The following ZC3H12B variants were observed in gnomAD, a reference collection of about 807,000 sequenced individuals.
The protein encoded by ZC3H12B is probable ribonuclease ZC3H12B.
In ZC3H12B, 7 loss-of-function variants were observed where a neutral mutation model predicts 43.9. The observed-to-expected ratio is 0.16, with a 90% CI of 0.09 to 0.30. ZC3H12B has a LOEUF of 0.30. ZC3H12B is among the 10% of genes least tolerant of loss of function. The pLI, the probability that ZC3H12B is intolerant of heterozygous loss-of-function variation, is 1.00. For synonymous variants in ZC3H12B, 222 were observed against 241.7 expected, an observed-to-expected ratio of 0.92 and a Z score of 0.76; for missense variants, 475 against 670.2, an observed-to-expected ratio of 0.71 and a Z score of 3.22.
At chrX:65,260,519 A>G in the ZC3H12B span, among the ~76,000 whole-genome samples, 2 of 111,457 alleles carry the variant, frequency 1.8e-5, no homozygotes, top group Non-Finnish European at 3.8e-5. Flanking sequence ...TCTTTGTTAA[A>G]TGCAATTTAC....
chrX:65,153,020 G>T, the ZC3H12B span, among the ~76,000 whole-genome samples: 37 of 111,941 alleles, frequency 3.3e-4, 1 homozygote, highest in South Asian at 0.013. Flanking sequence ...TGTGAAAACT[G>T]GCTAGCCATA....
the ZC3H12B span, among the ~76,000 whole-genome samples, chrX:65,344,426 G>A: frequency 6.3e-5 from 7 of 111,746 alleles, no homozygotes; most frequent in Admixed American, 2.8e-4. Flanking sequence ...GCACACCTAA[G>A]TCATATGATC....
chrX:65,244,182 C>A, the ZC3H12B span, among the ~76,000 whole-genome samples: 2 of 110,800 alleles, frequency 1.8e-5, no homozygotes, highest in African/African-American at 6.6e-5. Context: ...TCCCAGTTAC[C>A]CTGATTTGGT....
chrX:65,455,020 A>G (rs1167334982), intron 3 of ZC3H12B, among the ~76,000 whole-genome samples: 1 of 111,956 alleles, frequency 8.9e-6, no homozygotes, highest in Non-Finnish European at 1.9e-5. Flanking sequence ...AACCACAAAG[A>G]TGGGGAAAAA....
At chrX:65,350,371 C>G in the ZC3H12B span, among the ~76,000 whole-genome samples, 14 of 111,434 alleles carry the variant, frequency 1.3e-4, no homozygotes, top group African/African-American at 4.6e-4. Context: ...GACAAACCCA[C>G]AGCTAATGGG....
chrX:65,426,054 C>A (rs944472787), intron 3 of ZC3H12B, among the ~76,000 whole-genome samples: 1 of 108,017 alleles, frequency 9.3e-6, no homozygotes, highest in Non-Finnish European at 1.9e-5. Context: ...TTCTTTGTAC[C>A]TCTGGTAGAA....
intron 3 of ZC3H12B, among the ~76,000 whole-genome samples, chrX:65,446,514 C>T (rs1326541057): frequency 8.9e-6 from 1 of 111,904 alleles, no homozygotes; most frequent in Admixed American, 9.5e-5. Flanking sequence ...AGCCAGAACT[C>T]AGGTTCCAAT....
At position 65,461,257 on chromosome X, in the gene ZC3H12B, G is replaced by A. The variant is rs893268622; in HGVS notation, n.408-27389G>A. On this transcript the variant is annotated intron_variant and non_coding_transcript_variant, in intron 3 of 5. Coordinates refer to the ZC3H12B transcript ENST00000617377. ...ATAGGAACACTTTTACACGTTGGTG[G>A]GACTAAACTAGTTCAACCATTGTGG... Among the ~76,000 whole-genome samples the A allele has an allele frequency of 2.7e-5, 3 of 111,806 alleles. No homozygotes were observed. The Admixed American group carries it at 2.8e-4, about 11-fold the overall frequency.
intron 2 of ZC3H12B, among the ~76,000 whole-genome samples, chrX:65,397,191 A>G (rs1383926392): frequency 8.9e-6 from 1 of 111,931 alleles, no homozygotes; most frequent in African/African-American, 3.2e-5. Flanking sequence ...CATTTAGCCC[A>G]TTTACATTTA....
At chrX:65,487,862 T>C (rs148783667), upstream of ZC3H12B, among the ~76,000 whole-genome samples, 104 of 111,702 alleles carry the variant, frequency 9.3e-4, no homozygotes, top group African/African-American at 3.3e-3. Context: ...CTGGAGAGCA[T>C]GTGCTTTTCT....
At chrX:65,396,580 CTTTT>C (rs371460867) in intron 2 of ZC3H12B, among the ~76,000 whole-genome samples, 2 of 100,049 alleles carry the variant, frequency 2.0e-5, no homozygotes, top group African/African-American at 7.2e-5. Flanking sequence ...TTGTTTTTGT[CTTTT>C]TTTTTTTCGC....
chrX:65,384,032 G>C (rs767986483), intron 2 of ZC3H12B, among the ~76,000 whole-genome samples: 4 of 97,695 alleles, frequency 4.1e-5, no homozygotes, highest in Non-Finnish European at 6.2e-5. Context: ...TATACCCAAA[G>C]GACTATAAAT....
chrX:65,345,880 AC>A, the ZC3H12B span, among the ~76,000 whole-genome samples: 3 of 111,732 alleles, frequency 2.7e-5, no homozygotes, highest in Non-Finnish European at 5.6e-5. Context: ...CAATAGTCAC[AC>A]AAAAATATTC....
chrX:65,232,096 C>G, the ZC3H12B span, among the ~76,000 whole-genome samples: 8,876 of 109,086 alleles, frequency 0.081, 1,018 homozygotes, highest in African/African-American at 0.29. Context: ...AAAAAATTAG[C>G]CAAGCATGGT....
At chrX:65,086,769 T>C in the ZC3H12B span, among the ~76,000 whole-genome samples, 1 of 112,086 alleles carries the variant, frequency 8.9e-6, no homozygotes, top group African/African-American at 3.3e-5. Context: ...GAAATAAATT[T>C]ATGTTGTTTA....
the ZC3H12B span, among the ~76,000 whole-genome samples, chrX:65,141,041 T>C: frequency 1.8e-5 from 2 of 111,800 alleles, no homozygotes; most frequent in Admixed American, 1.9e-4. Flanking sequence ...TTTACTGTTT[T>C]CTAGTCTCTT....
At chrX:65,351,308 T>A in the ZC3H12B span, among the ~76,000 whole-genome samples, 1 of 111,892 alleles carries the variant, frequency 8.9e-6, no homozygotes, top group African/African-American at 3.3e-5. Flanking sequence ...TTACACCTTA[T>A]ACAAAGATGA....
chrX:65,224,586 G>A, the ZC3H12B span, among the ~76,000 whole-genome samples: 1 of 112,666 alleles, frequency 8.9e-6, no homozygotes, highest in East Asian at 2.8e-4. Flanking sequence ...CCTCACTCGG[G>A]AAGCACAAGG....
At chrX:65,104,654 A>G in the ZC3H12B span, among the ~76,000 whole-genome samples, 3 of 112,450 alleles carry the variant, frequency 2.7e-5, no homozygotes, top group East Asian at 8.4e-4. Context: ...CATATGAAAA[A>G]AAGCTCATTA....
Sources: gnomAD v4.1 joint callset for allele counts (sites outside exome capture counted in the v4.1 genomes callset) on GRCh38, gnomAD v4.1.1 for gene constraint, MANE v1.5 for transcripts, NCBI Gene and HGNC (gene_info 2026-07-23, HGNC 2026-07-21) for gene names.